NEK1: variants seen among roughly 807,000 people sequenced by gnomAD.
NEK1 encodes the protein NIMA related kinase 1.
Under a neutral mutation model 182.1 loss-of-function variants are expected in NEK1, and 137 were observed. That is an observed-to-expected ratio of 0.75 (90% CI 0.65 to 0.87). The LOEUF (loss-of-function observed/expected upper bound fraction) is 0.87, where lower values mean the gene tolerates loss of function less well. Among genes scored for constraint, NEK1 ranks in the 40% least tolerant of loss-of-function variants. The pLI is 0.00. For missense variants in NEK1, 1,391 were observed against 1,494.4 expected (o/e 0.93, Z 1.14); for synonymous variants, 513 against 492.2 (o/e 1.04, Z -0.56).
chr4:169,500,626 A>G (rs944187675), intron 23 of NEK1, among the ~76,000 whole-genome samples: 6 of 152,212 alleles, frequency 3.9e-5, no homozygotes, highest in Non-Finnish European at 7.3e-5. Flanking sequence ...AAAGAAAAGA[A>G]ATGCCAGCCA....
At chr4:169,493,106 T>C (rs1303211347) in intron 23 of NEK1, among the ~76,000 whole-genome samples, 1 of 152,154 alleles carries the variant, frequency 6.6e-6, no homozygotes, top group Admixed American at 6.5e-5. Flanking sequence ...TCTACTGGAC[T>C]GCAGCCTGAA....
At chr4:169,417,322 TAA>T (rs1480247593) in intron 31 of NEK1, among the ~76,000 whole-genome samples, 2 of 152,064 alleles carry the variant, frequency 1.3e-5, no homozygotes, top group Admixed American at 6.5e-5. Flanking sequence ...TAGACCATGG[TAA>T]AGAGTCTGAA....
intron 12 of NEK1, among the ~76,000 whole-genome samples, chr4:169,564,957 ATG>A (rs1440622320): frequency 2.0e-5 from 3 of 152,192 alleles, no homozygotes; most frequent in Non-Finnish European, 4.4e-5. Context: ...TTCCACTCTT[ATG>A]ACTAACTAAA....
chr4:169,575,036 A>G (rs899729502), intron 12 of NEK1, among the ~76,000 whole-genome samples: 1 of 152,202 alleles, frequency 6.6e-6, no homozygotes, highest in Non-Finnish European at 1.5e-5. Context: ...GCACCAACCT[A>G]TAGAAAACTA....
Position 169,581,039 on chromosome 4 carries a change from TAAAAAAAAAAAAAAAA to T in NEK1, c.808-153_808-138del. On this transcript the variant is annotated intron_variant, in intron 10 of 35. Coordinates refer to ENST00000507142, the MANE Select transcript of NEK1 (RefSeq NM_001199397.3). ...ATAAACTGTACTAAAACCAAGTTGTTAAAAAAAAAAAAAAAAAAAAAAAAGAAGCCCAGGTGTCGTG... is the reference window on the plus strand; with the variant it reads ...ATAAACTGTACTAAAACCAAGTTGTTAAAAAAAAGAAGCCCAGGTGTCGTG... 3 of 128,666 alleles carry T rather than the reference TAAAAAAAAAAAAAAAA, an allele frequency of 2.3e-5. No homozygotes were observed. The South Asian group carries it at 5.1e-4, about 22-fold the overall frequency. The allele number at this position is 128,666 out of a possible 1,614,324, so 8.0% of individuals were successfully genotyped here.
At chr4:169,499,962 T>C (rs1234177774) in intron 23 of NEK1, among the ~76,000 whole-genome samples, 1 of 152,202 alleles carries the variant, frequency 6.6e-6, no homozygotes, top group East Asian at 1.9e-4. Context: ...CAGAGGATTC[T>C]GCTGCCTTTT....
At chr4:169,533,520 G>A (rs1757991043) in intron 19 of NEK1, among the ~76,000 whole-genome samples, 1 of 152,134 alleles carries the variant, frequency 6.6e-6, no homozygotes, top group African/African-American at 2.4e-5. Flanking sequence ...CTAAGAACAA[G>A]ACTTTACAAC....
intron 27 of NEK1, among the ~76,000 whole-genome samples, chr4:169,439,787 A>C (rs946227694): frequency 9.2e-5 from 14 of 151,992 alleles, no homozygotes; most frequent in African/African-American, 3.1e-4. Flanking sequence ...CCAGATATAA[A>C]ATTTTCTATC....
intron 19 of NEK1, among the ~76,000 whole-genome samples, chr4:169,515,342 T>C (rs550803833): frequency 6.6e-6 from 1 of 152,300 alleles, no homozygotes; most frequent in Admixed American, 6.5e-5. Context: ...TTGCTGATTT[T>C]CTGTCTAGTA....
At chr4:169,582,829 C>T (rs115591884) in intron 10 of NEK1, among the ~76,000 whole-genome samples, 11 of 152,164 alleles carry the variant, frequency 7.2e-5, no homozygotes, top group African/African-American at 1.4e-4. Context: ...CAAGTGCTTA[C>T]TAACCACATG....
chr4:169,440,449 T>C (rs1264845538), intron 27 of NEK1, among the ~76,000 whole-genome samples: 1 of 152,208 alleles, frequency 6.6e-6, no homozygotes. Flanking sequence ...TTATATTAAT[T>C]GATTTGGAAA....
chr4:169,538,783 G>A (rs1298091604), intron 18 of NEK1, among the ~76,000 whole-genome samples: 1 of 151,896 alleles, frequency 6.6e-6, no homozygotes, highest in Non-Finnish European at 1.5e-5. Context: ...ACTTTCTTTG[G>A]GACCATAACT....
intron 19 of NEK1, among the ~76,000 whole-genome samples, chr4:169,513,966 G>GTTATTTAT (rs35041721): frequency 0.09 from 12,942 of 144,540 alleles, 635 homozygotes; most frequent in Non-Finnish European, 0.1. Flanking sequence ...GAGGATTTTT[G>GTTATTTAT]TTATTTATTT....
chr4:169,604,470 C>A (rs1486046184), intron 2 of NEK1, among the ~76,000 whole-genome samples: 1 of 152,206 alleles, frequency 6.6e-6, no homozygotes, highest in Non-Finnish European at 1.5e-5. Context: ...ACATTTAATT[C>A]ACCTAGCTTG....
rs1049775779 is a variant in NEK1, at chr4:169,457,815, A to T, written c.2587+5428T>A. Among the ~76,000 whole-genome samples the T allele has an allele frequency of 9.9e-5, 15 of 151,882 alleles. 1 individual carries two copies. The South Asian group carries it at 2.9e-3, about 30-fold the overall frequency. ...AGTACTGTCCTAAAATTGAGAGGAT[A>T]AAAAAAGACTCCTAAAACTGACAGG... On this transcript the variant is annotated intron_variant, in intron 27 of 35. Transcript: ENST00000507142.
chr4:169,467,070 T>C (rs1745067412), intron 26 of NEK1, among the ~76,000 whole-genome samples: 1 of 152,166 alleles, frequency 6.6e-6, no homozygotes. Flanking sequence ...TGATGATCCA[T>C]TTCCACTTAA....
At chr4:169,528,146 C>T (rs1757163220) in intron 19 of NEK1, among the ~76,000 whole-genome samples, 1 of 152,164 alleles carries the variant, frequency 6.6e-6, no homozygotes, top group East Asian at 1.9e-4. Context: ...GTAAAATCCC[C>T]TCCTGAGAGT....
chr4:169,545,354 T>C (rs1230032934), intron 18 of NEK1, among the ~76,000 whole-genome samples: 1 of 151,986 alleles, frequency 6.6e-6, no homozygotes, highest in African/African-American at 2.4e-5. Context: ...TCCAATTTCA[T>C]CCATGTCCCT....
chr4:169,595,180 G>C (rs1331566336), intron 5 of NEK1, among the ~76,000 whole-genome samples: 1 of 152,016 alleles, frequency 6.6e-6, no homozygotes, highest in Non-Finnish European at 1.5e-5. Flanking sequence ...AGACTTTTTT[G>C]TACATAAGCT....
Sources: allele counts gnomAD v4.1 joint callset (sites outside exome capture counted in the v4.1 genomes callset), GRCh38; gene constraint gnomAD v4.1.1; transcripts MANE v1.5; gene names NCBI Gene and HGNC (gene_info 2026-07-23, HGNC 2026-07-21).